Variants in SHC1 observed in about 807,000 individuals in gnomAD.
SHC1 encodes the protein SHC adaptor protein 1.
Under a neutral mutation model 55.9 loss-of-function variants are expected in SHC1, and 30 were observed. The ratio of observed to expected loss-of-function variants is 0.54; its 90% CI spans 0.40 to 0.73. The LOEUF (loss-of-function observed/expected upper bound fraction) is 0.73, where lower values mean the gene tolerates loss of function less well. SHC1 is among the 30% of genes least tolerant of loss of function. The pLI, the probability that SHC1 is intolerant of heterozygous loss-of-function variation, is 0.00. For missense variants in SHC1, 675 were observed against 777.1 expected, an observed-to-expected ratio of 0.87 and a Z score of 1.56; for synonymous variants, 309 against 306.1, an observed-to-expected ratio of 1.01 and a Z score of -0.10.
Position 154,970,582 on chromosome 1 carries a change from AG to A in SHC1, c.-57del. The A allele has an allele frequency of 7.7e-7, 1 of 1,300,910 alleles. No homozygotes were observed. The highest frequency in any genetic ancestry group is 1.1e-6 in the Non-Finnish European group (1 of 936,950). The allele number at this position is 1,300,910 out of a possible 1,614,324, so 80.6% of individuals were successfully genotyped here. A position where few individuals can be genotyped will look rare whatever the true frequency, so the allele number is the denominator to read the frequency against. On this transcript the variant is annotated 5_prime_UTR_variant, in exon 1 of 12. Transcript: ENST00000448116. This position sits in a 1 kb window ranked among gnomAD's most constrained non-coding sequence, Gnocchi z 5.5. ...CCTGGCCCCCCTGCCAGTTTGGGCA[AG>A]GGGGCCAGGCAGGGGGTATCCCCAG...
In SHC1 at chr1:154,963,415, G is replaced by C. The variant is rs543180468; in HGVS notation, c.*388C>G. On this transcript the variant is annotated 3_prime_UTR_variant, in exon 12 of 12. Transcript: ENST00000448116. ...GGGGGCGGGTGTTGAGAGGGGTCTG[G>C]GATACCCTGAAGCCCAGAGGTGTGA... The C allele has an allele frequency of 5.3e-6, 1 of 187,428 alleles. No homozygotes were observed. Among genetic ancestry groups the C allele is most frequent in the Admixed American group, 5.4e-5 (1 of 18,624 alleles). The allele number at this position is 187,428 out of a possible 1,614,324, so 11.6% of individuals were successfully genotyped here.
chr1:154,972,625 G>T (rs1453124806), upstream of SHC1, among the ~76,000 whole-genome samples: 1 of 152,242 alleles, frequency 6.6e-6, no homozygotes. Context: ...ACCAACGGGT[G>T]TGGGCGTTCG....
intron 7 of SHC1, among the ~76,000 whole-genome samples, chr1:154,967,101 T>A (rs1211227331): frequency 6.6e-6 from 1 of 150,892 alleles, no homozygotes; most frequent in Non-Finnish European, 1.5e-5. Flanking sequence ...AGAGCAAGAC[T>A]GTCTCAAATA....
chr1:154,973,724 A>G (rs548249594), upstream of SHC1, among the ~76,000 whole-genome samples: 1 of 152,204 alleles, frequency 6.6e-6, no homozygotes, highest in South Asian at 2.1e-4. Context: ...TTTTCAGCTG[A>G]TGACCCAGGT....
chr1:154,970,697 G>C lies in SHC1; in HGVS notation c.-171C>G. On this transcript the variant is annotated 5_prime_UTR_variant, in exon 1 of 12. Coordinates refer to ENST00000448116, the MANE Select transcript of SHC1 (RefSeq NM_001130040.2). The surrounding 1 kb of genome is among the most constrained non-coding windows in gnomAD (Gnocchi z 5.5). ...CAAGTGGCTTCCGCTCCCCAGCTCA[G>C]ACCCAGACAGTTTCAGGCCCCATCC... 1.8e-6 allele frequency: 1 copy of C among 543,994 alleles called. No homozygotes were observed. The highest frequency in any genetic ancestry group is 3.2e-6 in the Non-Finnish European group (1 of 309,936). The allele number at this position is 543,994 out of a possible 1,614,324, so 33.7% of individuals were successfully genotyped here. A position where few individuals can be genotyped will look rare whatever the true frequency, so the allele number is the denominator to read the frequency against.
At chr1:154,966,632 C>A in intron 7 of SHC1, 115 bp from the exon 8 acceptor site, 1 of 711,456 alleles carries the variant, frequency 1.4e-6, no homozygotes. Context: ...AAGCCTGAGG[C>A]TGAGTGTTTT....
chr1:154,969,113 C>T (rs903167513), intron 2 of SHC1, among the ~76,000 whole-genome samples: 23 of 152,088 alleles, frequency 1.5e-4, no homozygotes, highest in Non-Finnish European at 1.6e-4. Context: ...CTTCCATCTA[C>T]CCCCCTTTTC....
rs746181295 is a variant in SHC1 at position 154,970,141 on chromosome 1, A to G, written c.386T>C (p.Leu129Pro). ...GRRTRVEGGQ[L>P]GGEEWTRHGS... Reference sequence around the variant, plus strand: ...GTGGCGGGTCCACTCCTCGCCCCCAAGCTGGCCCCCTTCCACCCGAGTCCT... The same window carrying G: ...GTGGCGGGTCCACTCCTCGCCCCCAGGCTGGCCCCCTTCCACCCGAGTCCT... The change falls in exon 1 of 12, where the codon CTT (leucine) becomes CCT (proline). Residue 129 changes from leucine (L) to proline (P), a missense_variant. Coordinates refer to ENST00000448116, the MANE Select transcript of SHC1 (RefSeq NM_001130040.2). This position sits in a 1 kb window ranked among gnomAD's most constrained non-coding sequence, Gnocchi z 5.5. 1.9e-6 allele frequency: 3 copies of G among 1,613,410 alleles called. No individual in the cohort carries two copies. Among genetic ancestry groups the G allele is most frequent in the Non-Finnish European group, 2.5e-6 (3 of 1,179,906 alleles).
intron 1 of SHC1, 149 bp from the exon 2 acceptor site, chr1:154,969,597 AG>A (rs1358589577): frequency 4.8e-6 from 3 of 630,130 alleles, no homozygotes; most frequent in Non-Finnish European, 8.6e-6. Context: ...CCCACAACCA[AG>A]GTGAAAGACA....
At chr1:154,973,055 T>C (rs1324465526), upstream of SHC1, among the ~76,000 whole-genome samples, 1 of 152,174 alleles carries the variant, frequency 6.6e-6, no homozygotes, top group East Asian at 1.9e-4. Context: ...TATCCACTTA[T>C]GTCTAGGAAG....
In SHC1 at chr1:154,970,602, TC is replaced by T. The variant is rs1656645867; in HGVS notation, c.-77del. On this transcript the variant is annotated 5_prime_UTR_variant, in exon 1 of 12. Coordinates refer to ENST00000448116, the MANE Select transcript of SHC1 (RefSeq NM_001130040.2). The surrounding 1 kb of genome is among the most constrained non-coding windows in gnomAD (Gnocchi z 5.5). ...GGGCAAGGGGGCCAGGCAGGGGGTA[TC>T]CCCAGGCCCTTAGCCTGGTTGGACC... The T allele has an allele frequency of 1.0e-6, 1 of 987,260 alleles. No homozygotes were observed. Among genetic ancestry groups the T allele is most frequent in the Non-Finnish European group, 1.5e-6 (1 of 655,090 alleles). The allele number at this position is 987,260 out of a possible 1,614,324, so 61.2% of individuals were successfully genotyped here.
chr1:154,966,132 C>T, intron 9 of SHC1, 30 bp downstream of exon 9: 1 of 1,614,168 alleles, frequency 6.2e-7, no homozygotes, highest in East Asian at 2.2e-5. Flanking sequence ...CAACACTCCC[C>T]AGCTCTGCCT....
At chr1:154,973,066 G>A (rs943386992), upstream of SHC1, among the ~76,000 whole-genome samples, 2 of 152,130 alleles carry the variant, frequency 1.3e-5, no homozygotes, top group Non-Finnish European at 2.9e-5. Flanking sequence ...GTCTAGGAAG[G>A]CCTAGAGCTA....
chr1:154,963,702 A>G lies in SHC1; in HGVS notation c.*101T>C. On this transcript the variant is annotated 3_prime_UTR_variant, in exon 12 of 12. Transcript: ENST00000448116. Reference sequence around the variant, plus strand: ...TCCATGCTACTCCCAGCTCTGACACAAGGCCAAGCCCACAGAACACTCCCA... The same window carrying G: ...TCCATGCTACTCCCAGCTCTGACACGAGGCCAAGCCCACAGAACACTCCCA... The G allele has an allele frequency of 7.5e-7, 1 of 1,338,066 alleles. No homozygotes were observed. Among genetic ancestry groups the G allele is most frequent in the South Asian group, 1.3e-5 (1 of 75,704 alleles). 82.9% of individuals were successfully genotyped at this position (1,338,066 alleles called of 1,614,324 possible).
rs780518716 is a variant in SHC1, at chr1:154,963,813, C to G, written c.1745G>C (p.Arg582Pro). ...SELCLQQPVE[R>P]KL ...GAGCGCTAGGGCAGATCACAGTTTC[C>G]GCTCCACAGGTTGCTGTAGACACAG... The change falls in exon 12 of 12, where the codon CGG becomes CCG. Residue 582 changes from arginine to proline, a missense_variant. Transcript: ENST00000448116. 6.2e-7 allele frequency: 1 copy of G among 1,613,898 alleles called. No homozygotes were observed. The highest frequency in any genetic ancestry group is 8.5e-7 in the Non-Finnish European group (1 of 1,179,994).
At position 154,963,572 on chromosome 1, in the gene SHC1, ACT is replaced by A; in HGVS notation, c.*229_*230del. 1 of 480,116 alleles carries A rather than the reference ACT, an allele frequency of 2.1e-6. No homozygotes were observed. Among genetic ancestry groups the A allele is most frequent in the African/African-American group, 1.9e-5 (1 of 51,694 alleles). The allele number at this position is 480,116 out of a possible 1,614,324, so 29.7% of individuals were successfully genotyped here. A position where few individuals can be genotyped will look rare whatever the true frequency, so the allele number is the denominator to read the frequency against. On this transcript the variant is annotated 3_prime_UTR_variant, in exon 12 of 12. Transcript: ENST00000448116. ...ACAGGAAAGGCCCAGGTGAGGGGCC[ACT>A]CTGTACATTAATACTTTGGTGATTA... is the stretch of plus-strand genomic sequence containing the variant.
At position 154,968,806 on chromosome 1, in the gene SHC1, C is replaced by T; in HGVS notation, c.595G>A (p.Val199Met). 1 of 1,614,044 alleles carries T rather than the reference C, an allele frequency of 6.2e-7. No homozygotes were observed. The highest frequency in any genetic ancestry group is 8.5e-7 in the Non-Finnish European group (1 of 1,179,960). Residue 199 changes from valine (V) to methionine (M), a missense_variant, in exon 3 of 12, where the codon GTG becomes ATG. Transcript: ENST00000448116. ...REAISLVCEA[V>M]PGAKGATRRR... ...CTTGTCGCCCCCTTAGCACCCGGCA[C>T]AGCCTCACACACCAGACTGATGGCC...
upstream of SHC1, among the ~76,000 whole-genome samples, chr1:154,971,076 G>A (rs1293491508): frequency 1.3e-5 from 2 of 152,174 alleles, no homozygotes; most frequent in African/African-American, 4.8e-5. Flanking sequence ...AGCCAGGCAG[G>A]AGTACAGGGG....
chr1:154,967,898 T>C (rs1656213721), intron 6 of SHC1, 82 bp downstream of exon 6: 1 of 1,606,720 alleles, frequency 6.2e-7, no homozygotes, highest in Admixed American at 1.7e-5. Flanking sequence ...TGAGATCTAC[T>C]TAGAGTGGGT....
Sources: gnomAD v4.1 joint callset for allele counts (sites outside exome capture counted in the v4.1 genomes callset) on GRCh38, gnomAD v4.1.1 for gene constraint, Gnocchi (gnomAD v3.1) non-coding constraint, MANE v1.5 for transcripts, NCBI Gene and HGNC (gene_info 2026-07-23, HGNC 2026-07-21) for gene names.